The following RABGAP1 variants were observed in gnomAD, a reference collection of about 807,000 sequenced individuals.
The protein encoded by RABGAP1 is RAB GTPase activating protein 1.
RABGAP1 carries 23 observed loss-of-function variants against 137.6 expected under a neutral mutation model. The ratio of observed to expected loss-of-function variants is 0.17; its 90% CI spans 0.12 to 0.24. The LOEUF (loss-of-function observed/expected upper bound fraction) is 0.24. Ranked by LOEUF, RABGAP1 falls within the 10% of genes least tolerant of loss-of-function variation. The pLI, the probability that RABGAP1 is intolerant of heterozygous loss-of-function variation, is 1.00. For missense variants in RABGAP1, 906 were observed against 1,275.8 expected, an observed-to-expected ratio of 0.71 and a Z score of 4.42; for synonymous variants, 451 against 450.7, an observed-to-expected ratio of 1.00 and a Z score of -0.01.
intron 19 of RABGAP1, among the ~76,000 whole-genome samples, chr9:123,077,923 AC>A (rs1373783998): frequency 6.6e-6 from 1 of 152,152 alleles, no homozygotes; most frequent in East Asian, 1.9e-4. Flanking sequence ...AATAAAATAT[AC>A]CCCAAGAAAT....
chr9:123,100,880 CTTTG>C (rs1013078711), intron 24 of RABGAP1, among the ~76,000 whole-genome samples: 2 of 152,158 alleles, frequency 1.3e-5, no homozygotes, highest in African/African-American at 2.4e-5. Context: ...TTCTTTCAGT[CTTTG>C]TTCAGTGTTT....
intron 17 of RABGAP1, among the ~76,000 whole-genome samples, chr9:123,075,294 A>ATAT (rs2034475569): frequency 6.6e-6 from 1 of 152,080 alleles, no homozygotes; most frequent in Non-Finnish European, 1.5e-5. Context: ...ATGGAACACT[A>ATAT]TATATATTAT....
intron 21 of RABGAP1, among the ~76,000 whole-genome samples, chr9:123,095,143 C>G (rs190040092): frequency 1.4e-5 from 2 of 146,444 alleles, no homozygotes; most frequent in Non-Finnish European, 3.0e-5. Context: ...GAGAGGATCA[C>G]TTGAACCCGG....
At chr9:123,064,730 C>T (rs576796428) in intron 13 of RABGAP1, among the ~76,000 whole-genome samples, 13 of 152,278 alleles carry the variant, frequency 8.5e-5, no homozygotes, top group South Asian at 2.1e-4. Flanking sequence ...ACATTTGTTC[C>T]GTTTTAGTTA....
At position 123,056,932 on chromosome 9, in the gene RABGAP1, C is replaced by G. The variant is rs1325560880; in HGVS notation, c.1795-8416C>G. 3.9e-5 allele frequency among the ~76,000 whole-genome samples: 6 copies of G among 152,332 alleles called. No homozygotes were observed. The East Asian group carries it at 9.6e-4, about 24-fold the overall frequency. ...CTCAATCTTTTCCCCACCTTTCCCC[C>G]TTTTCTATTCCACAAAACCGCCATT... On this transcript the variant is annotated intron_variant, in intron 13 of 25. Transcript: ENST00000373647.
Position 123,103,584 on chromosome 9 carries a change from T to TATAA in RABGAP1, c.*374_*375insAATA. On this transcript the variant is annotated 3_prime_UTR_variant, in exon 26 of 26. Coordinates refer to ENST00000373647, the MANE Select transcript of RABGAP1 (RefSeq NM_012197.4). ...TTTTTTCTAAACCTTTTTTTTTTAATATACATATATATATATATATATATA... is the reference window on the plus strand; with the variant it reads ...TTTTTTCTAAACCTTTTTTTTTTAATATAAATACATATATATATATATATATATA... 1.6e-5 allele frequency: 1 copy of TATAA among 61,038 alleles called. No individual in the cohort carries two copies. 3.8% of individuals were successfully genotyped at this position (61,038 alleles called of 1,614,324 possible).
intron 15 of RABGAP1, among the ~76,000 whole-genome samples, chr9:123,071,680 G>A (rs1358820314): frequency 6.6e-6 from 1 of 152,242 alleles, no homozygotes; most frequent in Admixed American, 6.5e-5. Flanking sequence ...AGGCTTCTCA[G>A]GGGAAGTGAC....
chr9:123,042,666 TA>T (rs2033008382), intron 13 of RABGAP1, among the ~76,000 whole-genome samples: 1 of 151,516 alleles, frequency 6.6e-6, no homozygotes, highest in South Asian at 2.1e-4. Context: ...AGACAGAAAA[TA>T]GATGAAAAAG....
intron 21 of RABGAP1, among the ~76,000 whole-genome samples, chr9:123,095,948 T>C (rs938879239): frequency 3.3e-5 from 5 of 152,244 alleles, no homozygotes; most frequent in Non-Finnish European, 7.3e-5. Context: ...TTAATCCTTT[T>C]AGAATATACC....
chr9:123,086,817 G>A (rs2034881560), intron 19 of RABGAP1, among the ~76,000 whole-genome samples: 1 of 152,154 alleles, frequency 6.6e-6, no homozygotes, highest in Admixed American at 6.5e-5. Flanking sequence ...AGACAGCAGA[G>A]CTTTGTGTAC....
At chr9:123,079,012 T>A (rs2034612129) in intron 19 of RABGAP1, among the ~76,000 whole-genome samples, 1 of 152,170 alleles carries the variant, frequency 6.6e-6, no homozygotes, top group Admixed American at 6.5e-5. Context: ...AATAATTGAG[T>A]TCATACAGTC....
chr9:123,080,276 T>C (rs2034665686), intron 19 of RABGAP1, among the ~76,000 whole-genome samples: 1 of 152,206 alleles, frequency 6.6e-6, no homozygotes, highest in South Asian at 2.1e-4. Flanking sequence ...CTTAGATATA[T>C]AATTCCTTCT....
intron 1 of RABGAP1, among the ~76,000 whole-genome samples, chr9:122,950,708 CTT>C (rs1473062957): frequency 6.6e-6 from 1 of 152,012 alleles, no homozygotes; most frequent in African/African-American, 2.4e-5. Context: ...ATATCAGACT[CTT>C]TGATACTGAA....
At chr9:123,100,846 T>C (rs1335746059) in intron 24 of RABGAP1, among the ~76,000 whole-genome samples, 1 of 152,198 alleles carries the variant, frequency 6.6e-6, no homozygotes, top group Non-Finnish European at 1.5e-5. Flanking sequence ...ACATATAACA[T>C]CTTTATTAAT....
intron 2 of RABGAP1, among the ~76,000 whole-genome samples, chr9:122,966,129 T>C (rs757589964): frequency 2.0e-5 from 3 of 152,192 alleles, no homozygotes; most frequent in Admixed American, 1.3e-4. Flanking sequence ...GCTGTCTCTT[T>C]GGAGATGTCA....
intron 13 of RABGAP1, among the ~76,000 whole-genome samples, chr9:123,030,085 G>A (rs1447290963): frequency 6.6e-6 from 1 of 152,130 alleles, no homozygotes; most frequent in Non-Finnish European, 1.5e-5. Context: ...GAACCATATA[G>A]AAATTGGCGT....
intron 2 of RABGAP1, among the ~76,000 whole-genome samples, chr9:122,963,603 T>C (rs1473966262): frequency 6.6e-6 from 1 of 152,202 alleles, no homozygotes; most frequent in Admixed American, 6.5e-5. Flanking sequence ...CTAAGACTTA[T>C]GGGATACAGC....
chr9:123,055,901 C>G (rs374258321), intron 13 of RABGAP1, among the ~76,000 whole-genome samples: 2 of 152,122 alleles, frequency 1.3e-5, no homozygotes, highest in Non-Finnish European at 2.9e-5. Flanking sequence ...CAAATTGCTC[C>G]AGCTTTGACC....
At chr9:122,937,041 A>G (rs1049659103), upstream of RABGAP1, among the ~76,000 whole-genome samples, 1 of 152,232 alleles carries the variant, frequency 6.6e-6, no homozygotes, top group East Asian at 1.9e-4. Flanking sequence ...ACAACAAATC[A>G]TAAGGATTTA....
Sources: gnomAD v4.1 joint callset for allele counts (sites outside exome capture counted in the v4.1 genomes callset) on GRCh38, gnomAD v4.1.1 for gene constraint, MANE v1.5 for transcripts, NCBI Gene and HGNC (gene_info 2026-07-23, HGNC 2026-07-21) for gene names.